FOXP1: variants seen among roughly 807,000 people sequenced by gnomAD.
The protein encoded by FOXP1 is forkhead box protein P1.
In FOXP1, 15 loss-of-function variants were observed where a neutral mutation model predicts 98.2. The ratio of observed to expected loss-of-function variants is 0.15; its 90% CI spans 0.10 to 0.24. FOXP1 has a LOEUF of 0.24. Among genes scored for constraint, FOXP1 ranks in the 10% least tolerant of loss-of-function variants. The pLI, the probability that FOXP1 is intolerant of heterozygous loss-of-function variation, is 1.00. For missense variants in FOXP1, 633 were observed against 848.5 expected, an observed-to-expected ratio of 0.75 and a Z score of 3.15; for synonymous variants, 371 against 314.5, an observed-to-expected ratio of 1.18 and a Z score of -1.90.
chr3:70,967,710 G>GTTTTTTT lies in FOXP1; in HGVS notation c.1723-1661_1723-1655dup, dbSNP rs756777959. Reference sequence around the variant, plus strand: ...TTGTTTTTTTTTTTTGTTTTTTTTTGTTTTTTTTTTTTTTTTTTGCAAACT... The same window carrying GTTTTTTT: ...TTGTTTTTTTTTTTTGTTTTTTTTTGTTTTTTTTTTTTTTTTTTTTTTTTTGCAAACT... On this transcript the variant is annotated intron_variant, in intron 19 of 20. Transcript: ENST00000649528. Among the ~76,000 whole-genome samples, 59 of 68,862 alleles carry GTTTTTTT rather than the reference G, an allele frequency of 8.6e-4. No individual in the cohort carries two copies. In the East Asian group the frequency reaches 9.3e-3, roughly 11 times the overall value. The allele number at this position is 68,862 out of a possible 152,430, so 45.2% of individuals were successfully genotyped here.
intron 6 of FOXP1, among the ~76,000 whole-genome samples, chr3:71,139,936 G>A (rs1381098072): frequency 6.6e-6 from 1 of 152,108 alleles, no homozygotes; most frequent in African/African-American, 2.4e-5. Flanking sequence ...AGGTTCCTAA[G>A]TGCCTCTGAA....
At chr3:71,418,776 C>T (rs997754284) in intron 3 of FOXP1, among the ~76,000 whole-genome samples, 1 of 152,142 alleles carries the variant, frequency 6.6e-6, no homozygotes, top group Admixed American at 6.5e-5. Flanking sequence ...ACCACTGTCA[C>T]TATCGCAAGA....
intron 5 of FOXP1, among the ~76,000 whole-genome samples, chr3:71,237,983 A>AT (rs1019579828): frequency 6.6e-6 from 1 of 152,238 alleles, no homozygotes; most frequent in African/African-American, 2.4e-5. Context: ...AGACTGAGAA[A>AT]TTAGGAGATT....
At position 71,554,217 on chromosome 3, in the gene FOXP1, G is replaced by C. The variant is rs114052242; in HGVS notation, c.-298+27332C>G. Among the ~76,000 whole-genome samples the C allele has an allele frequency of 7.4e-3, 1,126 of 152,230 alleles. 6 individuals carry two copies. The highest frequency in any genetic ancestry group is 0.011 in the Non-Finnish European group (782 of 68,022). ...TTTAAAAAAGAAATTAGGCAGGCAT[G>C]GTGGTGCACACTTGTGGTCCCAGCT... is the stretch of plus-strand genomic sequence containing the variant. On this transcript the variant is annotated intron_variant, in intron 2 of 20. Coordinates refer to ENST00000649528, the MANE Select transcript of FOXP1 (RefSeq NM_001349338.3).
intron 6 of FOXP1, among the ~76,000 whole-genome samples, chr3:71,165,856 A>C (rs1465523730): frequency 6.6e-6 from 1 of 152,202 alleles, no homozygotes; most frequent in Non-Finnish European, 1.5e-5. Flanking sequence ...CCACCAGTCC[A>C]GGTTGTAGAA....
intron 2 of FOXP1, among the ~76,000 whole-genome samples, chr3:71,574,964 T>G (rs556788873): frequency 6.6e-6 from 1 of 152,314 alleles, no homozygotes; most frequent in African/African-American, 2.4e-5. Context: ...GGCCAACCAA[T>G]TCAATTAAAC....
intron 4 of FOXP1, among the ~76,000 whole-genome samples, chr3:71,352,674 A>G (rs1386059135): frequency 6.6e-6 from 1 of 152,168 alleles, no homozygotes; most frequent in Non-Finnish European, 1.5e-5. Flanking sequence ...TCAAAGGCTT[A>G]GAATCATGTC....
At chr3:70,984,750 G>C (rs1034574895) in intron 14 of FOXP1, among the ~76,000 whole-genome samples, 3 of 152,114 alleles carry the variant, frequency 2.0e-5, no homozygotes, top group Non-Finnish European at 4.4e-5. Flanking sequence ...CGTCGAAGGA[G>C]TCTGAGGGAT....
At chr3:71,148,848 G>A (rs935877649) in intron 6 of FOXP1, among the ~76,000 whole-genome samples, 5 of 152,222 alleles carry the variant, frequency 3.3e-5, no homozygotes, top group Admixed American at 2.0e-4. Context: ...AGACATGGGT[G>A]AAGCACTCTA....
intron 6 of FOXP1, chr3:71,197,976 G>C: frequency 6.2e-7 from 1 of 1,614,196 alleles, no homozygotes; most frequent in Non-Finnish European, 8.5e-7. Flanking sequence ...CCCACAAGGG[G>C]ACCTGCAGGA....
chr3:71,197,929 C>T (rs2063391660), intron 6 of FOXP1: 1 of 1,614,208 alleles, frequency 6.2e-7, no homozygotes, highest in East Asian at 2.2e-5. Flanking sequence ...GTTAGGCTGA[C>T]ACACAGGTCC....
intron 13 of FOXP1, among the ~76,000 whole-genome samples, chr3:70,993,090 CA>C (rs2040855304): frequency 1.3e-5 from 2 of 152,162 alleles, no homozygotes; most frequent in African/African-American, 4.8e-5. Context: ...TTACAAATAG[CA>C]CCACTAATGG....
intron 5 of FOXP1, among the ~76,000 whole-genome samples, chr3:71,200,091 A>AG (rs1474493172): frequency 1.3e-5 from 2 of 151,210 alleles, no homozygotes; most frequent in African/African-American, 2.4e-5. Context: ...CACAAAAAAA[A>AG]AAAAAAAAAA....
At chr3:71,056,889 C>A (rs1203707261) in intron 7 of FOXP1, among the ~76,000 whole-genome samples, 1 of 152,170 alleles carries the variant, frequency 6.6e-6, no homozygotes, top group East Asian at 1.9e-4. Flanking sequence ...TATATCCACT[C>A]CCTTAATTCC....
intron 11 of FOXP1, among the ~76,000 whole-genome samples, chr3:71,018,944 A>C (rs1394919640): frequency 6.6e-6 from 1 of 152,222 alleles, no homozygotes; most frequent in East Asian, 1.9e-4. Flanking sequence ...CTTGATTTCC[A>C]GTCTGCTGAG....
intron 7 of FOXP1, among the ~76,000 whole-genome samples, chr3:71,059,468 A>G (rs1229794021): frequency 2.6e-5 from 4 of 152,326 alleles, no homozygotes; most frequent in Non-Finnish European, 4.4e-5. Flanking sequence ...CTTCATTTGC[A>G]TAAAAATGTA....
intron 6 of FOXP1, among the ~76,000 whole-genome samples, chr3:71,178,100 C>T (rs1172046677): frequency 1.3e-5 from 2 of 149,886 alleles, no homozygotes; most frequent in Non-Finnish European, 3.0e-5. Flanking sequence ...TCCCAAAGTG[C>T]TGGGATTTAC....
intron 5 of FOXP1, among the ~76,000 whole-genome samples, chr3:71,235,199 G>C (rs2066672012): frequency 6.6e-6 from 1 of 152,124 alleles, no homozygotes. Context: ...TGGCATGGAT[G>C]TTTAGGGAAA....
chr3:71,345,402 AC>A (rs1490862164), intron 4 of FOXP1, among the ~76,000 whole-genome samples: 46 of 8,266 alleles, frequency 5.6e-3, no homozygotes, highest in Non-Finnish European at 0.022. Flanking sequence ...ATATATACAC[AC>A]ACACACACAC....
Sources: allele counts gnomAD v4.1 joint callset (sites outside exome capture counted in the v4.1 genomes callset), GRCh38; gene constraint gnomAD v4.1.1; transcripts MANE v1.5; gene names NCBI Gene and HGNC (gene_info 2026-07-23, HGNC 2026-07-21).